The following PCDH15 variants were observed in gnomAD, a reference collection of about 807,000 sequenced individuals.
The protein encoded by PCDH15 is protocadherin related 15.
In PCDH15, 129 loss-of-function variants were observed where a neutral mutation model predicts 178.5. That is an observed-to-expected ratio of 0.72 (90% CI 0.63 to 0.84). The LOEUF (loss-of-function observed/expected upper bound fraction) is 0.84. Among genes scored for constraint, PCDH15 ranks in the 40% least tolerant of loss-of-function variants. The pLI, the probability that PCDH15 is intolerant of heterozygous loss-of-function variation, is 0.00. For missense variants in PCDH15, 2,230 were observed against 2,099.9 expected, an observed-to-expected ratio of 1.06 and a Z score of -1.21; for synonymous variants, 800 against 732.0, an observed-to-expected ratio of 1.09 and a Z score of -1.50.
chr10:54,795,013 G>T (rs956120207), intron 1 of PCDH15, among the ~76,000 whole-genome samples: 1 of 151,660 alleles, frequency 6.6e-6, no homozygotes, highest in Non-Finnish European at 1.5e-5. Flanking sequence ...CTGCCTTATA[G>T]CTAGGGATAG....
intron 37 of PCDH15, chr10:53,808,604 C>T: frequency 6.7e-7 from 1 of 1,490,428 alleles, no homozygotes; most frequent in Non-Finnish European, 8.9e-7. Context: ...AATTTCCTCC[C>T]TTTCAAGTGT....
intron 2 of PCDH15, among the ~76,000 whole-genome samples, chr10:55,455,249 C>G (rs957355707): frequency 1.3e-5 from 2 of 152,100 alleles, no homozygotes; most frequent in African/African-American, 4.8e-5. Context: ...CCAAATATAA[C>G]TGCGTCTTGT....
intron 1 of PCDH15, among the ~76,000 whole-genome samples, chr10:55,307,323 A>G (rs1198739459): frequency 1.3e-5 from 2 of 151,892 alleles, no homozygotes; most frequent in Non-Finnish European, 2.9e-5. Flanking sequence ...TAACACGTGA[A>G]ACCCTGTCTC....
At chr10:54,803,108 G>C (rs888306621), upstream of PCDH15, among the ~76,000 whole-genome samples, 11 of 152,168 alleles carry the variant, frequency 7.2e-5, no homozygotes, top group African/African-American at 2.7e-4. Context: ...TACTACTAGA[G>C]ATGATATTTT....
chr10:54,184,537 C>T (rs890792011), intron 12 of PCDH15, among the ~76,000 whole-genome samples: 22 of 151,864 alleles, frequency 1.4e-4, no homozygotes, highest in African/African-American at 5.1e-4. Flanking sequence ...TTTTTTCCCC[C>T]TTGATTAGCC....
intron 21 of PCDH15, among the ~76,000 whole-genome samples, chr10:53,979,136 A>T (rs1023512034): frequency 6.6e-6 from 1 of 152,162 alleles, no homozygotes; most frequent in Non-Finnish European, 1.5e-5. Context: ...TCACACTGCT[A>T]TGGGGACATA....
chr10:55,086,251 T>G (rs1026129372), intron 2 of PCDH15, among the ~76,000 whole-genome samples: 1 of 151,966 alleles, frequency 6.6e-6, no homozygotes, highest in East Asian at 1.9e-4. Context: ...GAAGTGCCAT[T>G]TAATTATTTT....
At position 54,730,041 on chromosome 10, in the gene PCDH15, T is replaced by C. The variant is rs185030713; in HGVS notation, c.-28-65751A>G. Among the ~76,000 whole-genome samples the C allele has an allele frequency of 1.3e-3, 191 of 151,622 alleles. 1 individual carries two copies. Among genetic ancestry groups the C allele is most frequent in the African/African-American group, 4.5e-3 (185 of 41,468 alleles). The stretch of plus-strand genomic sequence containing the variant: ...ACAATCATTCAACCCAGCAATCTTA[T>C]TCCTGGGTATATATCCAAAGGAATA... On this transcript the variant is annotated intron_variant, in intron 1 of 37. Transcript: ENST00000644397.
chr10:54,802,476 C>T (rs1427742007), upstream of PCDH15, among the ~76,000 whole-genome samples: 1 of 152,136 alleles, frequency 6.6e-6, no homozygotes, highest in African/African-American at 2.4e-5. Context: ...TTTTATGTAC[C>T]ACTGAAACAA....
intron 7 of PCDH15, among the ~76,000 whole-genome samples, chr10:54,323,763 A>T (rs1296041074): frequency 2.0e-5 from 3 of 151,640 alleles, no homozygotes; most frequent in South Asian, 4.2e-4. Context: ...TACTATGCTG[A>T]CCACCTGAGT....
At chr10:53,903,454 T>A (rs188297435) in intron 25 of PCDH15, 84 bp from the exon 26 acceptor site, 1 of 1,519,252 alleles carries the variant, frequency 6.6e-7, no homozygotes, top group Non-Finnish European at 9.0e-7. Flanking sequence ...TGCTGCACTT[T>A]TTTTTGGAAA....
intron 18 of PCDH15, among the ~76,000 whole-genome samples, chr10:54,057,590 T>A (rs949204876): frequency 6.6e-6 from 1 of 152,004 alleles, no homozygotes; most frequent in African/African-American, 2.4e-5. Context: ...GGAAACCATT[T>A]TTTCCTCCTA....
chr10:54,299,817 C>G (rs2060038186), intron 8 of PCDH15, among the ~76,000 whole-genome samples: 1 of 152,132 alleles, frequency 6.6e-6, no homozygotes, highest in Non-Finnish European at 1.5e-5. Flanking sequence ...TGCACTCAGC[C>G]AAATCTTAAA....
intron 3 of PCDH15, among the ~76,000 whole-genome samples, chr10:54,477,958 T>C (rs1466459442): frequency 6.6e-6 from 1 of 152,166 alleles, no homozygotes; most frequent in Admixed American, 6.6e-5. Flanking sequence ...GCAATCATTC[T>C]ATAGTCTTTA....
chr10:54,441,772 C>T lies in PCDH15; in HGVS notation c.158-62830G>A, dbSNP rs187508509. 7.6e-3 allele frequency among the ~76,000 whole-genome samples: 1,160 copies of T among 151,912 alleles called. 10 individuals carry two copies. The highest frequency in any genetic ancestry group is 0.048 in the Middle Eastern group (14 of 294). Reference sequence around the variant, plus strand: ...GATATGTCTTAGTGAGGAAACATAGCTTCTGGCATTTATTATTAGAGGGAT... The same window carrying T: ...GATATGTCTTAGTGAGGAAACATAGTTTCTGGCATTTATTATTAGAGGGAT... On this transcript the variant is annotated intron_variant, in intron 3 of 37. Transcript: ENST00000644397.
intron 2 of PCDH15, among the ~76,000 whole-genome samples, chr10:55,399,996 G>A (rs753591812): frequency 6.6e-6 from 1 of 151,998 alleles, no homozygotes; most frequent in Non-Finnish European, 1.5e-5. Context: ...CAAAATTAGT[G>A]ATGGAAACTC....
At chr10:54,286,161 T>C (rs1338035334) in intron 8 of PCDH15, among the ~76,000 whole-genome samples, 1 of 152,174 alleles carries the variant, frequency 6.6e-6, no homozygotes, top group East Asian at 1.9e-4. Context: ...TAAAAAGTAT[T>C]GTATTGTATG....
chr10:55,350,266 TATAC>T (rs1244885252), intron 2 of PCDH15, among the ~76,000 whole-genome samples: 50 of 58,964 alleles, frequency 8.5e-4, no homozygotes, highest in South Asian at 1.1e-3. Context: ...TATATATATA[TATAC>T]ACACACACAC....
chr10:54,685,791 C>A (rs939960912), intron 1 of PCDH15, among the ~76,000 whole-genome samples: 1 of 152,086 alleles, frequency 6.6e-6, no homozygotes, highest in Non-Finnish European at 1.5e-5. Flanking sequence ...TCATCTAATA[C>A]AAAGTTAATT....
Sources: allele counts gnomAD v4.1 joint callset (sites outside exome capture counted in the v4.1 genomes callset), GRCh38; gene constraint gnomAD v4.1.1; transcripts MANE v1.5; gene names NCBI Gene and HGNC (gene_info 2026-07-23, HGNC 2026-07-21).